The following RIPK1 variants were observed in gnomAD, a reference collection of about 807,000 sequenced individuals.
RIPK1 encodes receptor interacting serine/threonine kinase 1.
In RIPK1, 27 loss-of-function variants were observed where a neutral mutation model predicts 62.4. The observed-to-expected ratio is 0.43, with a 90% CI of 0.32 to 0.60. The LOEUF (loss-of-function observed/expected upper bound fraction) is 0.60. Among genes scored for constraint, RIPK1 ranks in the 20% least tolerant of loss-of-function variants. The pLI, the probability that RIPK1 is intolerant of heterozygous loss-of-function variation, is 0.07. For missense variants in RIPK1, 735 were observed against 831.0 expected (o/e 0.88, Z 1.42); for synonymous variants, 287 against 303.2 (o/e 0.95, Z 0.55).
chr6:3,081,897 A>G (rs995840523), intron 4 of RIPK1, among the ~76,000 whole-genome samples: 4 of 121,624 alleles, frequency 3.3e-5, no homozygotes, highest in African/African-American at 1.2e-4. Flanking sequence ...AAAAAAAAAA[A>G]AAAAAAAATC....
intron 10 of RIPK1, among the ~76,000 whole-genome samples, chr6:3,111,511 CTT>C (rs563970364): frequency 1.9e-4 from 26 of 136,722 alleles, no homozygotes; most frequent in African/African-American, 5.3e-4. Context: ...GGGATTGGCG[CTT>C]TTTTTTTTTT....
intron 7 of RIPK1, among the ~76,000 whole-genome samples, chr6:3,100,463 A>G (rs1238385450): frequency 6.6e-6 from 1 of 152,164 alleles, no homozygotes; most frequent in Non-Finnish European, 1.5e-5. Flanking sequence ...GCAAATTCCT[A>G]GAGAGAGAAT....
chr6:3,089,445 G>T lies in RIPK1; in HGVS notation c.839-136G>T, dbSNP rs1032137553. The T allele has an allele frequency of 4.8e-6, 3 of 625,448 alleles. No individual in the cohort carries two copies. In the South Asian group the frequency reaches 6.0e-5, roughly 13 times the overall value. 38.7% of individuals were successfully genotyped at this position (625,448 alleles called of 1,614,324 possible). A position where few individuals can be genotyped will look rare whatever the true frequency, so the allele number is the denominator to read the frequency against. On this transcript the variant is annotated intron_variant, in intron 6 of 10. Transcript: ENST00000259808. ...ATCTTATTAGTCTCTATCAGAGTCA[G>T]TGATTTGGAGCTTAAATTTTTATTT...
chr6:3,067,317 G>A (rs557862097), upstream of RIPK1, among the ~76,000 whole-genome samples: 1 of 152,164 alleles, frequency 6.6e-6, no homozygotes, highest in South Asian at 2.1e-4. Flanking sequence ...TTAAGAAATT[G>A]CCAAAATGTC....
intron 1 of RIPK1, among the ~76,000 whole-genome samples, chr6:3,074,960 G>A (rs1265013139): frequency 2.0e-5 from 3 of 152,110 alleles, no homozygotes; most frequent in South Asian, 2.1e-4. Context: ...GATTACAGAC[G>A]TGAGCCACGG....
At chr6:3,095,067 AAAG>A (rs750487340) in intron 7 of RIPK1, among the ~76,000 whole-genome samples, 1 of 152,234 alleles carries the variant, frequency 6.6e-6, no homozygotes, top group Non-Finnish European at 1.5e-5. Flanking sequence ...CTGAGAAAAA[AAAG>A]AAAAAAAAGA....
chr6:3,105,343 T>C lies in RIPK1; in HGVS notation c.1007-139T>C. ...TGTAAAGCTTGTGGGAAGAGGACCATCTCCTAAATGCTTTGGACTGGTCTC... is the reference window on the plus strand; with the variant it reads ...TGTAAAGCTTGTGGGAAGAGGACCACCTCCTAAATGCTTTGGACTGGTCTC... On this transcript the variant is annotated intron_variant, in intron 8 of 10. Transcript: ENST00000259808. The surrounding 1 kb of genome is among the most constrained non-coding windows in gnomAD (Gnocchi z 4.5). The C allele has an allele frequency of 4.8e-6, 3 of 626,772 alleles. No homozygotes were observed. The highest frequency in any genetic ancestry group is 8.4e-6 in the Non-Finnish European group (3 of 359,262). The allele number at this position is 626,772 out of a possible 1,614,324, so 38.8% of individuals were successfully genotyped here.
In RIPK1 at chr6:3,110,833, G is replaced by A; in HGVS notation, c.1607G>A (p.Ser536Asn). The A allele has an allele frequency of 6.3e-7, 1 of 1,586,920 alleles. No individual in the cohort carries two copies. The highest frequency in any genetic ancestry group is 8.7e-7 in the Non-Finnish European group (1 of 1,155,504). The part of the protein sequence containing the change: ...DESIKYTIYN[S>N]TGIQIGAYNY... ...TCTATAAAATATACCATATACAATA[G>A]TACTGGCATTCAGATTGGAGCCTAC... The change falls in exon 10 of 11, where the codon AGT becomes AAT. Residue 536 changes from serine to asparagine, a missense_variant. Ser to Asn is a conservative substitution (Grantham distance 46). Coordinates refer to ENST00000259808, the MANE Select transcript of RIPK1 (RefSeq NM_001354930.2).
intron 7 of RIPK1, among the ~76,000 whole-genome samples, chr6:3,090,792 A>C (rs12110718): frequency 0.038 from 3,654 of 97,284 alleles, 130 homozygotes; most frequent in African/African-American, 0.099. Context: ...GTAACCGCAG[A>C]GCGCCTACCT....
intron 6 of RIPK1, among the ~76,000 whole-genome samples, chr6:3,086,468 C>G (rs149052140): frequency 6.6e-6 from 1 of 152,232 alleles, no homozygotes; most frequent in Non-Finnish European, 1.5e-5. Flanking sequence ...CCTCACACTT[C>G]TGCTTAGTCA....
Position 3,083,261 on chromosome 6 carries a change from C to T in RIPK1, c.636C>T (p.Tyr212=), listed in dbSNP as rs144786197. The change falls in exon 5 of 11, where the codon TAC becomes TAT. Residue 212 remains tyrosine (Y), a synonymous_variant. Transcript: ENST00000259808. ...AGCCCACAGAGAAGTCGGATGTGTACAGCTTTGCTGTAGTACTCTGGGCGA... is the reference window on the plus strand; with the variant it reads ...AGCCCACAGAGAAGTCGGATGTGTATAGCTTTGCTGTAGTACTCTGGGCGA... ...NAKPTEKSDV[Y]SFAVVLWAIF... is the part of the protein sequence containing the mutation. 6.2e-7 allele frequency: 1 copy of T among 1,613,902 alleles called. No individual in the cohort carries two copies. The highest frequency in any genetic ancestry group is 1.3e-5 in the African/African-American group (1 of 75,032).
At chr6:3,112,995 A>C in intron 10 of RIPK1, 58 bp from the exon 11 acceptor site, 1 of 1,424,016 alleles carries the variant, frequency 7.0e-7, no homozygotes, top group East Asian at 2.3e-5. Flanking sequence ...CAATTCAGGA[A>C]GCTGGAATGT....
At chr6:3,074,050 G>C (rs1049525185) in intron 1 of RIPK1, among the ~76,000 whole-genome samples, 2 of 152,232 alleles carry the variant, frequency 1.3e-5, no homozygotes, top group African/African-American at 4.8e-5. Flanking sequence ...TATGTTTACA[G>C]GTTTGTCTTT....
At chr6:3,090,602 G>C (rs1760001365) in intron 7 of RIPK1, among the ~76,000 whole-genome samples, 1 of 152,046 alleles carries the variant, frequency 6.6e-6, no homozygotes, top group Non-Finnish European at 1.5e-5. Flanking sequence ...AAGAAAAACA[G>C]ACAAATCCAC....
chr6:3,068,973 T>C (rs942240825), intron 1 of RIPK1: 1 of 151,748 alleles, frequency 6.6e-6, no homozygotes, highest in Non-Finnish European at 1.5e-5. Flanking sequence ...AGTCGGGCGG[T>C]GGGCGGGGCC....
At position 3,068,620 on chromosome 6, in the gene RIPK1, G is replaced by C; in HGVS notation, c.-102G>C. On this transcript the variant is annotated 5_prime_UTR_variant, in exon 1 of 11. Coordinates refer to ENST00000259808, the MANE Select transcript of RIPK1 (RefSeq NM_001354930.2). ...CATCCGGGCGGGGCCGACGGAGCGC[G>C]GCAGGACTTGGCTGGACGGCGCGGC... The C allele has an allele frequency of 1.0e-6, 1 of 985,256 alleles. No individual in the cohort carries two copies. Among genetic ancestry groups the C allele is most frequent in the Non-Finnish European group, 1.2e-6 (1 of 829,938 alleles). 61.0% of individuals were successfully genotyped at this position (985,256 alleles called of 1,614,324 possible). A position where few individuals can be genotyped will look rare whatever the true frequency, so the allele number is the denominator to read the frequency against.
intron 9 of RIPK1, 105 bp downstream of exon 9, chr6:3,106,156 G>A: frequency 1.1e-6 from 1 of 872,866 alleles, no homozygotes; most frequent in Non-Finnish European, 1.7e-6. Flanking sequence ...GGGGACAGAG[G>A]GCATCATCAG....
At position 3,114,611 on chromosome 6, in the gene RIPK1, T is replaced by C. The variant is rs1761317688; in HGVS notation, c.*1272T>C. 1 of 152,276 alleles carries C rather than the reference T, an allele frequency of 6.6e-6. No individual in the cohort carries two copies. The highest frequency in any genetic ancestry group is 2.1e-4 in the South Asian group (1 of 4,834). The allele number at this position is 152,276 out of a possible 1,614,324, so 9.4% of individuals were successfully genotyped here. A position where few individuals can be genotyped will look rare whatever the true frequency, so the allele number is the denominator to read the frequency against. Reference sequence around the variant, plus strand: ...AACAGATTCTGGTGTCTTGGGCTGATAACAGTGTTGTTGATTCTGATTGTG... The same window carrying C: ...AACAGATTCTGGTGTCTTGGGCTGACAACAGTGTTGTTGATTCTGATTGTG... On this transcript the variant is annotated 3_prime_UTR_variant, in exon 11 of 11. Transcript: ENST00000259808. The surrounding 1 kb of genome is among the most constrained non-coding windows in gnomAD (Gnocchi z 5.0).
At chr6:3,066,473 T>C (rs1758384918), upstream of RIPK1, among the ~76,000 whole-genome samples, 1 of 152,242 alleles carries the variant, frequency 6.6e-6, no homozygotes, top group Non-Finnish European at 1.5e-5. Flanking sequence ...CTGCTTGGCA[T>C]ACAGTAGATA....
Sources: allele counts gnomAD v4.1 joint callset (sites outside exome capture counted in the v4.1 genomes callset), GRCh38; gene constraint gnomAD v4.1.1; non-coding constraint Gnocchi (gnomAD v3.1); transcripts MANE v1.5; gene names NCBI Gene and HGNC (gene_info 2026-07-23, HGNC 2026-07-21).